BMP2K: variants seen among roughly 807,000 people sequenced by gnomAD.
The protein encoded by BMP2K is BMP-2-inducible protein kinase.
In BMP2K, 74 loss-of-function variants were observed where a neutral mutation model predicts 116.0. The ratio of observed to expected loss-of-function variants is 0.64; its 90% CI spans 0.53 to 0.77. BMP2K has a LOEUF of 0.77. BMP2K is among the 30% of genes least tolerant of loss of function. The pLI is 0.00. For missense variants in BMP2K, 1,365 were observed against 1,403.6 expected, an observed-to-expected ratio of 0.97 and a Z score of 0.44; for synonymous variants, 486 against 502.5, an observed-to-expected ratio of 0.97 and a Z score of 0.44.
chr4:78,838,032 A>G (rs1216031799), intron 3 of BMP2K, among the ~76,000 whole-genome samples: 2 of 152,200 alleles, frequency 1.3e-5, no homozygotes, highest in African/African-American at 4.8e-5. Context: ...GGCAATTTAC[A>G]AAAGAAAGAG....
chr4:78,807,136 G>A (rs1030749427), intron 1 of BMP2K, among the ~76,000 whole-genome samples: 6 of 152,098 alleles, frequency 3.9e-5, no homozygotes, highest in African/African-American at 1.4e-4. Flanking sequence ...ATAGGTGGGA[G>A]CCACCGTGCC....
chr4:78,798,868 A>G (rs189216865), intron 1 of BMP2K, among the ~76,000 whole-genome samples: 75 of 152,356 alleles, frequency 4.9e-4, no homozygotes, highest in African/African-American at 1.5e-3. Context: ...AAATCTGGGT[A>G]TCAGTGCTTT....
At chr4:78,864,557 CG>C (rs957374739) in intron 9 of BMP2K, among the ~76,000 whole-genome samples, 1 of 140,536 alleles carries the variant, frequency 7.1e-6, no homozygotes, top group East Asian at 2.1e-4. Context: ...TTCAGTGTCA[CG>C]TTTTTTTTTT....
At chr4:78,842,638 T>C in intron 4 of BMP2K, 111 bp downstream of exon 4, 1 of 931,256 alleles carries the variant, frequency 1.1e-6, no homozygotes. Flanking sequence ...GGTCTCTCTC[T>C]CCCCTTCTAC....
At chr4:78,814,555 G>A (rs2109978700) in intron 1 of BMP2K, among the ~76,000 whole-genome samples, 1 of 152,188 alleles carries the variant, frequency 6.6e-6, no homozygotes, top group South Asian at 2.1e-4. Flanking sequence ...GGTTTTATAA[G>A]GGGCTTTTCC....
chr4:78,887,192 C>A lies in BMP2K; in HGVS notation c.1970C>A (p.Ala657Glu). Reference sequence around the variant, plus strand: ...TTTGCAGATAGGCTCGAGGAGAGAGCATCCTCAGATAAGAATGTAGACTCA... The same window carrying A: ...TTTGCAGATAGGCTCGAGGAGAGAGAATCCTCAGATAAGAATGTAGACTCA... ...LLRSNRLEERASSDKNVDSLS... is the reference protein window; with the variant it reads ...LLRSNRLEERESSDKNVDSLS... The change falls in exon 15 of 16, where the codon GCA (alanine) becomes GAA (glutamate). Residue 657 changes from alanine (A) to glutamate (E), a missense_variant. By Grantham distance (107) the Ala-to-Glu change is moderately radical. This residue lies in a region of BMP2K where 596 missense variants were observed against 623.2 expected (regional missense o/e 0.96). Transcript: ENST00000502613. 6.2e-7 allele frequency: 1 copy of A among 1,607,558 alleles called. No individual in the cohort carries two copies. Among genetic ancestry groups the A allele is most frequent in the Non-Finnish European group, 8.5e-7 (1 of 1,176,230 alleles).
intron 1 of BMP2K, among the ~76,000 whole-genome samples, chr4:78,799,091 G>C (rs1261738355): frequency 6.6e-6 from 1 of 152,296 alleles, no homozygotes; most frequent in African/African-American, 2.4e-5. Context: ...GGGCAACAGT[G>C]CCGTTCTAAT....
chr4:78,786,134 G>A lies in BMP2K; in HGVS notation c.178+9413G>A, dbSNP rs1727713917. 2.0e-5 allele frequency among the ~76,000 whole-genome samples: 3 copies of A among 152,138 alleles called. No homozygotes were observed. In the South Asian group the frequency reaches 6.2e-4, roughly 31 times the overall value. ...TTGTGACTCCTCCCGCAATTCATAT[G>A]TTGAAATCCCAACGCCCAAGGTGAT... On this transcript the variant is annotated intron_variant, in intron 1 of 15. Coordinates refer to ENST00000502613, the MANE Select transcript of BMP2K (RefSeq NM_198892.2).
Position 78,911,885 on chromosome 4 carries a change from A to G in BMP2K, c.3338A>G (p.His1113Arg), listed in dbSNP as rs1734639846. The G allele has an allele frequency of 3.1e-6, 5 of 1,613,824 alleles. No individual in the cohort carries two copies. The highest frequency in any genetic ancestry group is 4.2e-6 in the Non-Finnish European group (5 of 1,179,888). The change falls in exon 16 of 16, where the codon CAT becomes CGT. Residue 1113 changes from histidine to arginine, a missense_variant. Transcript: ENST00000502613. The stretch of plus-strand genomic sequence containing the variant: ...CAAAATTCACTACATGGGTCATTCC[A>G]TAGTGCAGATGTATTGAAAATGGAT... ...PRQNSLHGSF[H>R]SADVLKMDDF...
chr4:78,820,246 T>A (rs1182683946), intron 1 of BMP2K, among the ~76,000 whole-genome samples: 1 of 152,236 alleles, frequency 6.6e-6, no homozygotes, highest in Non-Finnish European at 1.5e-5. Flanking sequence ...TACACATTCA[T>A]CTATTGCTAT....
Position 78,833,590 on chromosome 4 carries a change from A to G in BMP2K, c.306A>G (p.Leu102=). The G allele has an allele frequency of 1.3e-6, 2 of 1,584,266 alleles. No individual in the cohort carries two copies. The stretch of plus-strand genomic sequence containing the variant: ...TTTTTTTTTCTTTCCAGAAAGAGCT[A>G]TCTGGTCACAAAAATATTGTGGGCT... ...CKREITIMKE[L]SGHKNIVGYL... is the part of the protein sequence containing the mutation. The change falls in exon 3 of 16, where the codon CTA becomes CTG. Residue 102 remains leucine, a synonymous_variant. Coordinates refer to ENST00000502613, the MANE Select transcript of BMP2K (RefSeq NM_198892.2).
At chr4:78,852,620 C>T (rs778899410) in intron 7 of BMP2K, among the ~76,000 whole-genome samples, 1 of 152,006 alleles carries the variant, frequency 6.6e-6, no homozygotes, top group South Asian at 2.1e-4. Context: ...TTGTCTTCTT[C>T]AAGAGACAAG....
At chr4:78,909,331 C>T (rs1734455355) in intron 15 of BMP2K, among the ~76,000 whole-genome samples, 1 of 150,522 alleles carries the variant, frequency 6.6e-6, no homozygotes, top group Non-Finnish European at 1.5e-5. Flanking sequence ...CCACCGCACC[C>T]AGCCCCCTTA....
intron 14 of BMP2K, among the ~76,000 whole-genome samples, chr4:78,884,501 G>T (rs1732991176): frequency 6.6e-6 from 1 of 152,134 alleles, no homozygotes; most frequent in Non-Finnish European, 1.5e-5. Context: ...CAAAAAGTCT[G>T]TTTCTAATTC....
Position 78,776,355 on chromosome 4 carries a change from C to A in BMP2K, c.-189C>A. 2.2e-6 allele frequency: 1 copy of A among 453,366 alleles called. No homozygotes were observed. The highest frequency in any genetic ancestry group is 1.0e-4 in the South Asian group (1 of 10,002). 28.1% of individuals were successfully genotyped at this position (453,366 alleles called of 1,614,324 possible). On this transcript the variant is annotated 5_prime_UTR_variant, in exon 1 of 16. Transcript: ENST00000502613. ...GCCCTCTGCGGGAGCCGGGCAGCTGCAGCGGAGCCGCGGAGCGGGCGGCGG... is the reference window on the plus strand; with the variant it reads ...GCCCTCTGCGGGAGCCGGGCAGCTGAAGCGGAGCCGCGGAGCGGGCGGCGG...
Position 78,870,843 on chromosome 4 carries a change from C to T in BMP2K, c.1292C>T (p.Pro431Leu), listed in dbSNP as rs777781041. 54 of 1,613,802 alleles carry T rather than the reference C, an allele frequency of 3.3e-5. No homozygotes were observed. The highest frequency in any genetic ancestry group is 2.0e-4 in the East Asian group (9 of 44,890). ...ILLGQGPPQQ[P>L]PQQHRVLQQL... ...TTGGGTCAGGGACCTCCTCAGCAGC[C>T]GCCACAGCAGCATAGAGTACTCCAG... The change falls in exon 11 of 16, where the codon CCG (proline) becomes CTG (leucine). Residue 431 changes from proline to leucine, a missense_variant. Pro to Leu is a moderately conservative substitution (Grantham distance 98). This residue lies in a region of BMP2K where 762 missense variants were observed against 756.7 expected (regional missense o/e 1.01). Coordinates refer to ENST00000502613, the MANE Select transcript of BMP2K (RefSeq NM_198892.2).
intron 15 of BMP2K, among the ~76,000 whole-genome samples, chr4:78,909,420 ACATGGAATTTTGAATTAGATGT>A (rs1388565958): frequency 2.6e-5 from 4 of 152,008 alleles, no homozygotes; most frequent in African/African-American, 9.7e-5. Flanking sequence ...TTTCCATTAT[ACATGGAATTTTGAATTAGATGT>A]ATAATGAAAT....
rs539920976 is a variant in BMP2K at position 78,911,821 on chromosome 4, C to T, written c.3274C>T (p.Arg1092Cys). Residue 1092 changes from arginine to cysteine, a missense_variant, in exon 16 of 16, where the codon CGT becomes TGT. Physicochemically the swap from Arg to Cys is radical, Grantham distance 180 (BLOSUM62 -3). This residue lies in a region of BMP2K where 596 missense variants were observed against 623.2 expected (regional missense o/e 0.96). Transcript: ENST00000502613. ...HPPHQGLSDI[R>C]ADHNTVLPGR... The stretch of plus-strand genomic sequence containing the variant: ...TCCACATCAGGGCCTGAGCGACATC[C>T]GTGCTGATCACAATACTGTCCTGCC... 118 of 1,613,956 alleles carry T rather than the reference C, an allele frequency of 7.3e-5. No homozygotes were observed. Among genetic ancestry groups the T allele is most frequent in the Non-Finnish European group, 9.7e-5 (114 of 1,179,876 alleles).
intron 1 of BMP2K, among the ~76,000 whole-genome samples, chr4:78,785,968 C>G (rs3822108): frequency 0.063 from 9,653 of 152,192 alleles, 420 homozygotes; most frequent in East Asian, 0.22. Flanking sequence ...TCAGGACCCC[C>G]TGACCTGAAC....
Sources: allele counts gnomAD v4.1 joint callset (sites outside exome capture counted in the v4.1 genomes callset), GRCh38; gene constraint gnomAD v4.1.1; regional missense constraint gnomAD v4.1.1; transcripts MANE v1.5; gene names NCBI Gene and HGNC (gene_info 2026-07-23, HGNC 2026-07-21).